The following INPP4B variants were observed in gnomAD, a reference collection of about 807,000 sequenced individuals.
The protein encoded by INPP4B is inositol polyphosphate-4-phosphatase type II B.
INPP4B carries 55 observed loss-of-function variants against 122.5 expected under a neutral mutation model. The observed-to-expected ratio is 0.45, with a 90% CI of 0.36 to 0.56. The LOEUF is 0.56. INPP4B is among the 20% of genes least tolerant of loss of function. The probability of loss-of-function intolerance (pLI) is 0.00; values close to 1 mark genes in which losing one functional copy is unlikely to be tolerated. For missense variants in INPP4B, 1,000 were observed against 1,097.7 expected (o/e 0.91, Z 1.26); for synonymous variants, 403 against 388.7 (o/e 1.04, Z -0.43).
intron 1 of INPP4B, among the ~76,000 whole-genome samples, chr4:142,751,094 GAGAAATACTGAGA>G (rs1208746747): frequency 6.6e-6 from 1 of 151,934 alleles, no homozygotes; most frequent in African/African-American, 2.4e-5. Context: ...GCATGATGTT[GAGAAATACTGAGA>G]AGAAATATGA....
intron 18 of INPP4B, among the ~76,000 whole-genome samples, chr4:142,142,085 G>A (rs746355550): frequency 6.6e-6 from 1 of 151,970 alleles, no homozygotes. Flanking sequence ...ATGCTTATCA[G>A]TATTTATCAT....
intron 25 of INPP4B, among the ~76,000 whole-genome samples, chr4:142,056,941 C>A (rs1758023228): frequency 6.6e-6 from 1 of 152,020 alleles, no homozygotes; most frequent in Admixed American, 6.6e-5. Flanking sequence ...TGTCTCTTGT[C>A]CTGGTTGCTT....
At chr4:142,397,578 G>T (rs1194929149) in intron 7 of INPP4B, among the ~76,000 whole-genome samples, 1 of 152,082 alleles carries the variant, frequency 6.6e-6, no homozygotes, top group African/African-American at 2.4e-5. Context: ...GATGACTCGT[G>T]CCTGTAATCC....
intron 6 of INPP4B, among the ~76,000 whole-genome samples, chr4:142,403,860 A>G (rs74809379): frequency 0.021 from 3,201 of 152,324 alleles, 131 homozygotes; most frequent in African/African-American, 0.073. Context: ...GGCAGTGAAT[A>G]AAACAACTAA....
At chr4:142,066,212 T>C (rs6836052) in intron 25 of INPP4B, among the ~76,000 whole-genome samples, 3,908 of 33,112 alleles carry the variant, frequency 0.12, 175 homozygotes, top group African/African-American at 0.13. Context: ...TGTTACAACA[T>C]TGTTGTAGGC....
intron 18 of INPP4B, among the ~76,000 whole-genome samples, chr4:142,137,325 T>C (rs1282519404): frequency 1.4e-5 from 2 of 141,580 alleles, no homozygotes; most frequent in Admixed American, 1.5e-4. Flanking sequence ...GAAAACTGGC[T>C]AGCCATATGT....
chr4:142,168,116 A>G (rs933307880), intron 16 of INPP4B, among the ~76,000 whole-genome samples: 25 of 151,500 alleles, frequency 1.7e-4, no homozygotes, highest in African/African-American at 5.8e-4. Context: ...TGTTTTCACA[A>G]TGTTCTATCT....
rs573098390 is a variant in INPP4B, at chr4:142,405,292, G to C, written c.169C>G (p.Arg57Gly). ...CKDLVAPVRD[R>G]KLNTLVQISV... is the part of the protein sequence containing the mutation. ...ATCTGCACCAGTGTATTCAGTTTAC[G>C]ATCACGGACAGGAGCCACGAGATCC... Residue 57 changes from arginine to glycine, a missense_variant, in exon 6 of 26, where the codon CGT becomes GGT. Physicochemically the swap from Arg to Gly is moderately radical, Grantham distance 125. Coordinates refer to ENST00000262992, the MANE Select transcript of INPP4B (RefSeq NM_001101669.3). 8.1e-6 allele frequency: 13 copies of C among 1,613,102 alleles called. No individual in the cohort carries two copies. The highest frequency in any genetic ancestry group is 1.1e-5 in the Non-Finnish European group (13 of 1,179,444).
At chr4:142,629,908 G>A (rs527881246) in intron 2 of INPP4B, among the ~76,000 whole-genome samples, 3 of 152,094 alleles carry the variant, frequency 2.0e-5, no homozygotes, top group Non-Finnish European at 4.4e-5. Flanking sequence ...ATGTGTCCAA[G>A]GTTGGATGTA....
rs115366224 is a variant in INPP4B, at chr4:142,513,052, C to A, written c.-190-50326G>T. On this transcript the variant is annotated intron_variant, in intron 2 of 25. Coordinates refer to ENST00000262992, the MANE Select transcript of INPP4B (RefSeq NM_001101669.3). ...AATGTCATTAAGAACTCTTTATAAACTTCATTTAAAATGGTATGTGGCTGA... is the reference window on the plus strand; with the variant it reads ...AATGTCATTAAGAACTCTTTATAAAATTCATTTAAAATGGTATGTGGCTGA... 3.1e-3 allele frequency among the ~76,000 whole-genome samples: 475 copies of A among 152,190 alleles called. 2 individuals are homozygous for A. Among genetic ancestry groups the A allele is most frequent in the African/African-American group, 0.011 (461 of 41,544 alleles).
chr4:142,030,047 T>G (rs1738814343), intron 25 of INPP4B: 1 of 1,385,032 alleles, frequency 7.2e-7, no homozygotes, highest in African/African-American at 1.4e-5. Flanking sequence ...AATTTGAAAA[T>G]GTAAAAATAT....
chr4:142,449,512 G>A (rs1813674049), intron 3 of INPP4B, among the ~76,000 whole-genome samples: 1 of 151,890 alleles, frequency 6.6e-6, no homozygotes, highest in African/African-American at 2.4e-5. Flanking sequence ...GACCATCCTG[G>A]CCAACATGGT....
At chr4:142,139,878 A>T (rs1806829252) in intron 18 of INPP4B, among the ~76,000 whole-genome samples, 1 of 152,176 alleles carries the variant, frequency 6.6e-6, no homozygotes, top group African/African-American at 2.4e-5. Flanking sequence ...GGCTCTCACC[A>T]TGCTGCCCAG....
chr4:142,249,514 T>G (rs1730869091), intron 11 of INPP4B, among the ~76,000 whole-genome samples: 1 of 152,062 alleles, frequency 6.6e-6, no homozygotes, highest in Non-Finnish European at 1.5e-5. Flanking sequence ...CATATAAAAC[T>G]GATGAAAATG....
Position 142,075,817 on chromosome 4 carries a change from GATTA to G in INPP4B, c.2642+6210_2642+6213del, listed in dbSNP as rs545072617. On this transcript the variant is annotated intron_variant, in intron 25 of 25. Coordinates refer to ENST00000262992, the MANE Select transcript of INPP4B (RefSeq NM_001101669.3). The stretch of plus-strand genomic sequence containing the variant: ...ACACGTTAGGAAACTGAGGCCTTGA[GATTA>G]ATTAATGGGTCCACCACTGCACAGA... Among the ~76,000 whole-genome samples the G allele has an allele frequency of 4.6e-5, 7 of 152,120 alleles. No homozygotes were observed. In the South Asian group the frequency reaches 1.5e-3, roughly 32 times the overall value.
chr4:142,665,448 CAT>C (rs1427901968), intron 2 of INPP4B, among the ~76,000 whole-genome samples: 1 of 135,344 alleles, frequency 7.4e-6, no homozygotes, highest in African/African-American at 2.7e-5. Context: ...GAGCCGAGAT[CAT>C]GCCACTGCAC....
intron 2 of INPP4B, among the ~76,000 whole-genome samples, chr4:142,716,275 TA>T: frequency 6.6e-6 from 1 of 152,122 alleles, no homozygotes; most frequent in Non-Finnish European, 1.5e-5. Flanking sequence ...AGTTCTCAAA[TA>T]AAAGAAACCT....
chr4:142,562,574 T>C (rs539898765), intron 2 of INPP4B, among the ~76,000 whole-genome samples: 18 of 152,202 alleles, frequency 1.2e-4, no homozygotes, highest in African/African-American at 4.3e-4. Flanking sequence ...GGACAAGGTG[T>C]CCTTGAAAAA....
At chr4:142,695,309 C>A (rs961392574) in intron 2 of INPP4B, among the ~76,000 whole-genome samples, 1 of 152,088 alleles carries the variant, frequency 6.6e-6, no homozygotes, top group Admixed American at 6.5e-5. Flanking sequence ...AACAGCCTTG[C>A]CAAAGTTAAA....
Sources: allele counts gnomAD v4.1 joint callset (sites outside exome capture counted in the v4.1 genomes callset), GRCh38; gene constraint gnomAD v4.1.1; transcripts MANE v1.5; gene names NCBI Gene and HGNC (gene_info 2026-07-23, HGNC 2026-07-21).